Variants in ATP1B1 observed in about 807,000 individuals in gnomAD.
ATP1B1 encodes ATPase Na+/K+ transporting subunit beta 1, also known as sodium/potassium-transporting ATPase subunit beta-1.
In ATP1B1, 3 loss-of-function variants were observed where a neutral mutation model predicts 39.6. The ratio of observed to expected loss-of-function variants is 0.08; its 90% CI spans 0.03 to 0.20. The LOEUF is 0.20. Ranked by LOEUF, ATP1B1 falls within the 10% of genes least tolerant of loss-of-function variation. The pLI, the probability that ATP1B1 is intolerant of heterozygous loss-of-function variation, is 1.00. For missense variants in ATP1B1, 216 were observed against 371.1 expected (o/e 0.58, Z 3.43); for synonymous variants, 139 against 135.0 (o/e 1.03, Z -0.20).
chr1:169,112,323 G>C (rs1302833994), intron 2 of ATP1B1, among the ~76,000 whole-genome samples: 1 of 152,252 alleles, frequency 6.6e-6, no homozygotes, highest in East Asian at 1.9e-4. Context: ...GCCTGATGCT[G>C]ATAGGACAAG....
intron 2 of ATP1B1, 22 bp from the exon 3 acceptor site, chr1:169,124,862 T>G: frequency 1.2e-6 from 2 of 1,606,314 alleles, no homozygotes; most frequent in Non-Finnish European, 1.7e-6. Flanking sequence ...CCTACTAATG[T>G]TTTTCTCTCT....
chr1:169,110,654 A>T (rs1657709725), intron 1 of ATP1B1: 2 of 1,276,594 alleles, frequency 1.6e-6, no homozygotes, highest in Non-Finnish European at 2.0e-6. Flanking sequence ...AATGCAGCCC[A>T]GCAAGTCAGT....
In ATP1B1 at chr1:169,114,244, CAG is replaced by C. The variant is rs148815566; in HGVS notation, c.226+2747_226+2748del. Among the ~76,000 whole-genome samples, 1,385 of 150,218 alleles carry C rather than the reference CAG, an allele frequency of 9.2e-3. 16 individuals carry two copies. The highest frequency in any genetic ancestry group is 0.032 in the African/African-American group (1,321 of 40,682). On this transcript the variant is annotated intron_variant, in intron 2 of 5. Transcript: ENST00000367815. ...ATAACTCCTTAAGTATGCAGACAAA[CAG>C]TGTGTTTAAGAATACCCTGACAATT...
chr1:169,127,488 ATAGTTT>A, intron 4 of ATP1B1, 80 bp downstream of exon 4: 4 of 1,470,114 alleles, frequency 2.7e-6, no homozygotes, highest in Non-Finnish European at 3.7e-6. Flanking sequence ...ACAATGTAAG[ATAGTTT>A]TAAAGTATAC....
chr1:169,107,070 C>A, intron 1 of ATP1B1, 144 bp downstream of exon 1: 1 of 737,640 alleles, frequency 1.4e-6, no homozygotes, highest in Non-Finnish European at 2.1e-6. Context: ...TGCTGGGTCG[C>A]GCCGGCCTGG....
intron 1 of ATP1B1, chr1:169,107,991 C>T (rs1657641113): frequency 6.6e-6 from 1 of 151,908 alleles, no homozygotes; most frequent in African/African-American, 2.4e-5. Context: ...GGTGTTCCTG[C>T]TTGGGAGGAT....
chr1:169,117,194 C>G, intron 2 of ATP1B1, among the ~76,000 whole-genome samples: 1 of 152,206 alleles, frequency 6.6e-6, no homozygotes, highest in East Asian at 1.9e-4. Flanking sequence ...CTCTCACTTT[C>G]CCTCTCCTCC....
rs528624886 is a variant in ATP1B1, at chr1:169,128,302, C to T, written c.567+894C>T. 5.9e-5 allele frequency among the ~76,000 whole-genome samples: 9 copies of T among 152,248 alleles called. No homozygotes were observed. The South Asian group carries it at 1.4e-3, about 25-fold the overall frequency. ...TTGAGTTATGTGAACAAACTCATTTCATTTCTGAAATCTGGCACTTTTGTT... is the reference window on the plus strand; with the variant it reads ...TTGAGTTATGTGAACAAACTCATTTTATTTCTGAAATCTGGCACTTTTGTT... On this transcript the variant is annotated intron_variant, in intron 4 of 5. Coordinates refer to ENST00000367815, the MANE Select transcript of ATP1B1 (RefSeq NM_001677.4).
chr1:169,115,185 CAAAAAAA>C (rs35200858), intron 2 of ATP1B1, among the ~76,000 whole-genome samples: 1 of 79,032 alleles, frequency 1.3e-5, no homozygotes. Flanking sequence ...GACTCCATCT[CAAAAAAA>C]AAAAAAAGAA....
chr1:169,111,318 C>A, intron 1 of ATP1B1, 52 bp from the exon 2 acceptor site: 1 of 1,603,638 alleles, frequency 6.2e-7, no homozygotes, highest in Non-Finnish European at 8.5e-7. Flanking sequence ...ATTAAACTTT[C>A]ATTCTGAGCA....
At chr1:169,113,343 G>A (rs1657767325) in intron 2 of ATP1B1, among the ~76,000 whole-genome samples, 1 of 152,022 alleles carries the variant, frequency 6.6e-6, no homozygotes, top group Non-Finnish European at 1.5e-5. Flanking sequence ...TGGGAGGTGT[G>A]AGCATGAGCT....
At chr1:169,112,473 A>G (rs1657748780) in intron 2 of ATP1B1, among the ~76,000 whole-genome samples, 1 of 152,234 alleles carries the variant, frequency 6.6e-6, no homozygotes, top group South Asian at 2.1e-4. Flanking sequence ...AGGGATGGCA[A>G]TGACTTGTCC....
At position 169,111,299 on chromosome 1, in the gene ATP1B1, C is replaced by T. The variant is rs935000254; in HGVS notation, c.98-71C>T. ...GAACCAGGAAGGAAGCTTGTTCATC[C>T]GTGGGAAGATTAAACTTTCATTCTG... is the stretch of plus-strand genomic sequence containing the variant. On this transcript the variant is annotated intron_variant, in intron 1 of 5. Coordinates refer to ENST00000367815, the MANE Select transcript of ATP1B1 (RefSeq NM_001677.4). 3.2e-6 allele frequency: 5 copies of T among 1,587,258 alleles called. No homozygotes were observed. The African/African-American group carries it at 5.4e-5, about 17-fold the overall frequency.
At chr1:169,115,242 A>G (rs1451223834) in intron 2 of ATP1B1, among the ~76,000 whole-genome samples, 3 of 151,884 alleles carry the variant, frequency 2.0e-5, no homozygotes, top group Non-Finnish European at 2.9e-5. Flanking sequence ...TGTGAGAACT[A>G]AATGAGATGA....
At chr1:169,129,826 A>G (rs1439933272) in intron 4 of ATP1B1, among the ~76,000 whole-genome samples, 184 bp from the exon 5 acceptor site, 2 of 152,240 alleles carry the variant, frequency 1.3e-5, no homozygotes, top group African/African-American at 2.4e-5. Flanking sequence ...CATTTCAGCA[A>G]AATCACAAAC....
rs1658251453 is a variant in ATP1B1, at chr1:169,132,244, T to C, written c.*689T>C. ...GGTGATGGGTTGTGTTATGCTTGTA[T>C]TGAATGCTGTCTTGACATCTCTTGC... On this transcript the variant is annotated 3_prime_UTR_variant, in exon 6 of 6. Coordinates refer to ENST00000367815, the MANE Select transcript of ATP1B1 (RefSeq NM_001677.4). 3 of 637,364 alleles carry C rather than the reference T, an allele frequency of 4.7e-6. No individual in the cohort carries two copies. The highest frequency in any genetic ancestry group is 2.6e-5 in the Admixed American group (1 of 39,168). The allele number at this position is 637,364 out of a possible 1,614,324, so 39.5% of individuals were successfully genotyped here.
At position 169,111,518 on chromosome 1, in the gene ATP1B1, C is replaced by G; in HGVS notation, c.226+20C>G. 6.2e-7 allele frequency: 1 copy of G among 1,609,302 alleles called. No homozygotes were observed. The highest frequency in any genetic ancestry group is 8.5e-7 in the Non-Finnish European group (1 of 1,177,422). On this transcript the variant is annotated intron_variant, in intron 2 of 5. Coordinates refer to ENST00000367815, the MANE Select transcript of ATP1B1 (RefSeq NM_001677.4). ...CGCCAGGTAAAATCCACATGAATAG[C>G]TTCATTTCCTTCAGAGATAGCATGG...
At chr1:169,125,125 G>A (rs1355080363) in intron 3 of ATP1B1, 86 bp downstream of exon 3, 54 of 1,434,194 alleles carry the variant, frequency 3.8e-5, no homozygotes, top group Admixed American at 9.9e-5. Flanking sequence ...TTTAATGATC[G>A]AGAGATAATC....
chr1:169,126,555 T>TA (rs888139203), intron 3 of ATP1B1, among the ~76,000 whole-genome samples: 43 of 151,324 alleles, frequency 2.8e-4, no homozygotes, highest in African/African-American at 9.0e-4. Context: ...TCTGCAAAAT[T>TA]AAAAAAAACT....
Sources: allele counts gnomAD v4.1 joint callset (sites outside exome capture counted in the v4.1 genomes callset), GRCh38; gene constraint gnomAD v4.1.1; transcripts MANE v1.5; gene names NCBI Gene and HGNC (gene_info 2026-07-23, HGNC 2026-07-21).